PKMYT1: variants seen among roughly 807,000 people sequenced by gnomAD.
The protein encoded by PKMYT1 is membrane-associated tyrosine- and threonine-specific cdc2-inhibitory kinase.
Under a neutral mutation model 49.7 loss-of-function variants are expected in PKMYT1, and 35 were observed. The ratio of observed to expected loss-of-function variants is 0.70; its 90% CI spans 0.54 to 0.93. The LOEUF is 0.93. Ranked by LOEUF, PKMYT1 falls within the 40% of genes least tolerant of loss-of-function variation. PKMYT1 has a pLI of 0.00. For synonymous variants in PKMYT1, 331 were observed against 287.6 expected (o/e 1.15, Z -1.53); for missense variants, 677 against 673.1 (o/e 1.01, Z -0.06).
chr16:2,973,417 C>G (rs1259876207), intron 7 of PKMYT1: 1 of 1,533,538 alleles, frequency 6.5e-7, no homozygotes, highest in Admixed American at 2.0e-5. Flanking sequence ...CACTCCAAGG[C>G]CCCCTCTGTC....
intron 4 of PKMYT1, 47 bp from the exon 5 acceptor site, chr16:2,974,703 GAC>G (rs2072134505): frequency 7.8e-7 from 1 of 1,281,884 alleles, no homozygotes; most frequent in East Asian, 2.5e-5. Flanking sequence ...TTGGCCCTGG[GAC>G]ACAGACCCAG....
intron 3 of PKMYT1, 101 bp from the exon 4 acceptor site, chr16:2,975,913 C>A: frequency 7.8e-7 from 1 of 1,275,654 alleles, no homozygotes; most frequent in Non-Finnish European, 1.1e-6. Context: ...GGTTCACACA[C>A]GGGGCACGGT....
In PKMYT1 at chr16:2,975,412, G is replaced by A. The variant is rs768274799; in HGVS notation, c.779C>T (p.Thr260Ile). The change falls in exon 4 of 9, where the codon ACA (threonine) becomes ATA (isoleucine). Residue 260 changes from threonine (T) to isoleucine (I), a missense_variant. Coordinates refer to ENST00000262300, the MANE Select transcript of PKMYT1 (RefSeq NM_004203.5). ...CTCCTGGACCTCACCAGCTCCTGCTGTACCCAGCTCCACCAGCAGTCCGAA... is the reference window on the plus strand; with the variant it reads ...CTCCTGGACCTCACCAGCTCCTGCTATACCCAGCTCCACCAGCAGTCCGAA... The part of the protein sequence containing the change: ...GDFGLLVELG[T>I]AGAGEVQEGD... 5 of 1,613,266 alleles carry A rather than the reference G, an allele frequency of 3.1e-6. No individual in the cohort carries two copies. In the South Asian group the frequency reaches 3.3e-5, roughly 11 times the overall value.
Position 2,974,332 on chromosome 16 carries a change from T to C in PKMYT1, c.1065A>G (p.Ala355=), listed in dbSNP as rs1465322075. 6.2e-7 allele frequency: 1 copy of C among 1,607,312 alleles called. No homozygotes were observed. Among genetic ancestry groups the C allele is most frequent in the South Asian group, 1.1e-5 (1 of 90,114 alleles). ...CCCGCGGCTGCCTCAACACAGGCAG[T>C]GCCAGCAGGGCCTCGGCCGTGGCCC... ...KLRATAEALL[A]LPVLRQPRAW... Residue 355 remains alanine (A), a synonymous_variant, in exon 6 of 9, where the codon GCA becomes GCG. Coordinates refer to ENST00000262300, the MANE Select transcript of PKMYT1 (RefSeq NM_004203.5).
In PKMYT1 at chr16:2,974,048, A is replaced by T; in HGVS notation, c.1262T>A (p.Leu421Ter). 1 of 1,612,498 alleles carries T rather than the reference A, an allele frequency of 6.2e-7. No homozygotes were observed. Among genetic ancestry groups the T allele is most frequent in the Non-Finnish European group, 8.5e-7 (1 of 1,179,854 alleles). ...GCTGGAGAGGCTGCTGTCCAGGAGC[A>T]AACTGCAGGGTGGTGAGCCAGGCGG... ...ATPPGSPPCS[L>*]LLDSSLSSNW... The change falls in exon 7 of 9, where the codon TTG becomes TAG. Residue 421 changes from leucine to a stop codon, truncating the protein, a stop_gained. Transcript: ENST00000262300. LOFTEE classifies it high-confidence loss of function.
intron 2 of PKMYT1, chr16:2,977,548 T>C: frequency 1.1e-6 from 1 of 939,832 alleles, no homozygotes. Flanking sequence ...CGTGGACCCC[T>C]GCCCCAGTGA....
In PKMYT1 at chr16:2,975,574, G is replaced by A. The variant is rs564993872; in HGVS notation, c.617C>T (p.Pro206Leu). Residue 206 changes from proline (P) to leucine (L), a missense_variant, in exon 4 of 9, where the codon CCT becomes CTT. By Grantham distance (98) the Pro-to-Leu change is moderately conservative. Coordinates refer to ENST00000262300, the MANE Select transcript of PKMYT1 (RefSeq NM_004203.5). Reference sequence around the variant, plus strand: ...CAGGTAGCCCCAGACCTGGGCCTCAGGCAGGCTGGCACCCCAGGCCTCACA... The same window carrying A: ...CAGGTAGCCCCAGACCTGGGCCTCAAGCAGGCTGGCACCCCAGGCCTCACA... ...QHCEAWGASL[P>L]EAQVWGYLRD... 17 of 1,611,676 alleles carry A rather than the reference G, an allele frequency of 1.1e-5. No homozygotes were observed. The highest frequency in any genetic ancestry group is 2.7e-5 in the African/African-American group (2 of 75,036).
At chr16:2,978,508 G>T (rs2072257730) in intron 2 of PKMYT1, among the ~76,000 whole-genome samples, 1 of 152,174 alleles carries the variant, frequency 6.6e-6, no homozygotes, top group Admixed American at 6.5e-5. Flanking sequence ...AGCATTTTAG[G>T]AGGCTGAGGT....
At chr16:2,973,303 TC>T in intron 7 of PKMYT1, 88 bp from the exon 8 acceptor site, 1 of 1,512,044 alleles carries the variant, frequency 6.6e-7, no homozygotes, top group Non-Finnish European at 8.8e-7. Context: ...GGCTCCAGGC[TC>T]CCGCCTGACA....
Position 2,973,224 on chromosome 16 carries a change from G to C in PKMYT1, c.1311-9C>G. The C allele has an allele frequency of 6.7e-7, 1 of 1,489,800 alleles. No individual in the cohort carries two copies. The highest frequency in any genetic ancestry group is 9.0e-7 in the Non-Finnish European group (1 of 1,116,154). The allele number at this position is 1,489,800 out of a possible 1,614,324, so 92.3% of individuals were successfully genotyped here. The stretch of plus-strand genomic sequence containing the variant: ...CAGGGGAGAGTGAAGGCCTGCAGGA[G>C]GGCAGGCGAGACAAGGAGGGTGTCC... On this transcript the variant is annotated splice_polypyrimidine_tract_variant and intron_variant, in intron 7 of 8. Transcript: ENST00000262300.
rs140982084 is a variant in PKMYT1 at position 2,975,332 on chromosome 16, C to A, written c.859G>T (p.Ala287Ser). 64 of 1,612,092 alleles carry A rather than the reference C, an allele frequency of 4.0e-5. No homozygotes were observed. The African/African-American group carries it at 7.2e-4, about 18-fold the overall frequency. ...CCCGGTCCCCACCTGAACACATCCG[C>A]TGCTGTCCCATAGGAGCCCTGCAGC... ...ELLQGSYGTA[A>S]DVFSLGLTIL... Residue 287 changes from alanine to serine, a missense_variant, in exon 4 of 9, where the codon GCG becomes TCG. Ala to Ser is a moderately conservative substitution (Grantham distance 99). Coordinates refer to ENST00000262300, the MANE Select transcript of PKMYT1 (RefSeq NM_004203.5).
In PKMYT1 at chr16:2,976,836, G is replaced by C. The variant is rs974388607; in HGVS notation, c.206C>G (p.Pro69Arg). 3.9e-6 allele frequency: 6 copies of C among 1,553,660 alleles called. No homozygotes were observed. In the African/African-American group the frequency reaches 8.2e-5, roughly 21 times the overall value. ...CAGCTGGTGCCAGCCTGGGGTCCGA[G>C]GAGGGAAGAGGCGGCTGATGGGAAT... ...GSIPISRLFP[P>R]RTPGWHQLQP... The change falls in exon 3 of 9, where the codon CCT (proline) becomes CGT (arginine). Residue 69 changes from proline to arginine, a missense_variant. Physicochemically the swap from Pro to Arg is moderately radical, Grantham distance 103. Transcript: ENST00000262300.
At chr16:2,973,844 G>C (rs1463866111) in intron 7 of PKMYT1, 156 bp downstream of exon 7, 1 of 831,816 alleles carries the variant, frequency 1.2e-6, no homozygotes, top group Non-Finnish European at 1.9e-6. Flanking sequence ...CATTAAGCCT[G>C]GCCAGGCCAC....
chr16:2,979,510 A>G (rs2072287198), intron 2 of PKMYT1, 138 bp downstream of exon 2: 1 of 722,930 alleles, frequency 1.4e-6, no homozygotes, highest in Non-Finnish European at 2.5e-6. Flanking sequence ...GGGTTTCTCC[A>G]AGTCAGGAGC....
intron 7 of PKMYT1, 72 bp from the exon 8 acceptor site, chr16:2,973,287 T>C (rs2072061373): frequency 2.0e-6 from 3 of 1,501,996 alleles, no homozygotes; most frequent in South Asian, 2.6e-5. Context: ...GCTCTGTCCC[T>C]GTGCAGGCTC....
Position 2,979,284 on chromosome 16 carries a change from A to C in PKMYT1, c.10+364T>G, listed in dbSNP as rs186733124. Among the ~76,000 whole-genome samples the C allele has an allele frequency of 6.6e-3, 1,003 of 152,262 alleles. 6 individuals are homozygous for C. Among genetic ancestry groups the C allele is most frequent in the Non-Finnish European group, 0.012 (792 of 68,018 alleles). ...AGGAGGTGGAAGTTGCGGTGAGCCG[A>C]GATTGCGGCATTGCACTCCAACTGG... On this transcript the variant is annotated intron_variant, in intron 2 of 8. Coordinates refer to ENST00000262300, the MANE Select transcript of PKMYT1 (RefSeq NM_004203.5).
chr16:2,975,432 T>C lies in PKMYT1; in HGVS notation c.759A>G (p.Gly253=). The C allele has an allele frequency of 1.2e-6, 2 of 1,613,168 alleles. No homozygotes were observed. The highest frequency in any genetic ancestry group is 1.7e-6 in the Non-Finnish European group (2 of 1,179,932). The part of the protein sequence containing the change: ...PRGRCKLGDF[G]LLVELGTAGA... ...CTGCTGTACCCAGCTCCACCAGCAG[T>C]CCGAAGTCACCCAGCTTGCAGCGGC... The change falls in exon 4 of 9, where the codon GGA becomes GGG. Residue 253 remains glycine (G), a synonymous_variant. Coordinates refer to ENST00000262300, the MANE Select transcript of PKMYT1 (RefSeq NM_004203.5).
chr16:2,974,678 C>T, intron 4 of PKMYT1, 22 bp from the exon 5 acceptor site: 1 of 1,493,738 alleles, frequency 6.7e-7, no homozygotes, highest in African/African-American at 1.4e-5. Context: ...GGGATGGGGA[C>T]AGAAAGGGGC....
At position 2,975,816 on chromosome 16, in the gene PKMYT1, G is replaced by A. The variant is rs374945050; in HGVS notation, c.379-4C>T. On this transcript the variant is annotated splice_region_variant and splice_polypyrimidine_tract_variant and intron_variant, in intron 3 of 8. Transcript: ENST00000262300. The stretch of plus-strand genomic sequence containing the variant: ...GGCCGTCCTCCTTGGAGCGCACCTG[G>A]AAGGGAGGTGGTACCCACGCACACA... 1.2e-5 allele frequency: 19 copies of A among 1,583,430 alleles called. No individual in the cohort carries two copies. The African/African-American group carries it at 2.3e-4, about 19-fold the overall frequency.
Sources: gnomAD v4.1 joint callset for allele counts (sites outside exome capture counted in the v4.1 genomes callset) on GRCh38, gnomAD v4.1.1 for gene constraint, MANE v1.5 for transcripts, NCBI Gene and HGNC (gene_info 2026-07-23, HGNC 2026-07-21) for gene names.